ITPR2: variants seen among roughly 807,000 people sequenced by gnomAD.
The protein encoded by ITPR2 is inositol 1,4,5-trisphosphate receptor type 2.
Under a neutral mutation model 317.1 loss-of-function variants are expected in ITPR2, and 207 were observed. The ratio of observed to expected loss-of-function variants is 0.65; its 90% CI spans 0.58 to 0.73. ITPR2 has a LOEUF of 0.73. Among genes scored for constraint, ITPR2 ranks in the 30% least tolerant of loss-of-function variants. ITPR2 has a pLI of 0.00. For synonymous variants in ITPR2, 1,156 were observed against 1,149.1 expected (o/e 1.01, Z -0.12); for missense variants, 2,613 against 3,284.0 (o/e 0.80, Z 4.99).
intron 39 of ITPR2, among the ~76,000 whole-genome samples, chr12:26,490,946 G>T (rs1942786807): frequency 6.6e-6 from 1 of 152,194 alleles, no homozygotes; most frequent in Admixed American, 6.5e-5. Context: ...TAGGAGAAAT[G>T]TATTGAGTTG....
chr12:26,700,733 G>A (rs1039736012), intron 9 of ITPR2, among the ~76,000 whole-genome samples: 4 of 152,156 alleles, frequency 2.6e-5, no homozygotes, highest in African/African-American at 7.2e-5. Flanking sequence ...GGGGACAGAG[G>A]ATGAAAAAGG....
intron 26 of ITPR2, among the ~76,000 whole-genome samples, chr12:26,620,487 A>G (rs1946467397): frequency 6.6e-6 from 1 of 152,210 alleles, no homozygotes; most frequent in Non-Finnish European, 1.5e-5. Context: ...TGTATTAACA[A>G]TTATGATGTT....
chr12:26,678,982 T>C (rs778659582), intron 13 of ITPR2, among the ~76,000 whole-genome samples: 3 of 152,220 alleles, frequency 2.0e-5, no homozygotes, highest in Admixed American at 1.3e-4. Flanking sequence ...GCCAAGTAAA[T>C]TGCTGTGCAT....
At chr12:26,545,757 C>A (rs1218343873) in intron 37 of ITPR2, among the ~76,000 whole-genome samples, 1 of 152,184 alleles carries the variant, frequency 6.6e-6, no homozygotes, top group Non-Finnish European at 1.5e-5. Context: ...TCATCCAAGG[C>A]CATTTCACCC....
chr12:26,415,460 A>G lies in ITPR2; in HGVS notation c.7149T>C (p.Asn2383=), dbSNP rs1940692345. 2 of 1,610,064 alleles carry G rather than the reference A, an allele frequency of 1.2e-6. No homozygotes were observed. Among genetic ancestry groups the G allele is most frequent in the Admixed American group, 1.7e-5 (1 of 59,576 alleles). The change falls in exon 51 of 57, where the codon AAT becomes AAC. Residue 2383 remains asparagine, a synonymous_variant. Transcript: ENST00000381340. The part of the protein sequence containing the change: ...DLVYREETLL[N]VIKSVTRNGR... ...CATTTCGTGTGACACTTTTTATGAC[A>G]TTCAGCAAAGTCTCTTCCCTGTACA...
chr12:26,699,685 CA>C (rs1948410822), intron 9 of ITPR2, among the ~76,000 whole-genome samples: 1 of 151,964 alleles, frequency 6.6e-6, no homozygotes, highest in Non-Finnish European at 1.5e-5. Context: ...GAAAGAAGGA[CA>C]AAAAGCCACC....
chr12:26,512,968 C>T (rs887489178), intron 37 of ITPR2, among the ~76,000 whole-genome samples: 1 of 151,670 alleles, frequency 6.6e-6, no homozygotes, highest in Admixed American at 6.6e-5. Flanking sequence ...ATTACAGGTG[C>T]CCACCAACTC....
In ITPR2 at chr12:26,602,435, G is replaced by A. The variant is rs1266338100; in HGVS notation, c.3613C>T (p.Arg1205Ter). 26 of 1,613,660 alleles carry A rather than the reference G, an allele frequency of 1.6e-5. No homozygotes were observed. The highest frequency in any genetic ancestry group is 2.2e-5 in the Non-Finnish European group (26 of 1,179,686). The stretch of plus-strand genomic sequence containing the variant: ...TGCGCCCCCATATTTTTCAGTAATC[G>A]TTGATGTTGATTCCGACACTTTTTA... ...QNKKCRNQHQ[R>*]LLKNMGAHSV... The change falls in exon 28 of 57, where the codon CGA becomes TGA. Residue 1205 changes from arginine to a stop codon, truncating the protein, a stop_gained. Coordinates refer to ENST00000381340, the MANE Select transcript of ITPR2 (RefSeq NM_002223.4). LOFTEE classifies it high-confidence loss of function.
At chr12:26,544,166 C>G (rs924614649) in intron 37 of ITPR2, among the ~76,000 whole-genome samples, 4 of 152,212 alleles carry the variant, frequency 2.6e-5, no homozygotes, top group African/African-American at 9.6e-5. Context: ...TATAGGCACA[C>G]TTCACAGAAA....
intron 21 of ITPR2, among the ~76,000 whole-genome samples, chr12:26,639,694 C>T (rs1444216057): frequency 7.0e-6 from 1 of 143,306 alleles, no homozygotes; most frequent in African/African-American, 2.6e-5. Flanking sequence ...TTGTTCAATT[C>T]CCACCTATGA....
In ITPR2 at chr12:26,655,730, T is replaced by A; in HGVS notation, c.2567A>T (p.Glu856Val). ...TACCTCAAATGTCAGTTTATTTTTT[T>A]CTTTATCCCCAAAAGGAAAGGGCTG... ...VNQPFPFGDK[E>V]KNKLTFEVVH... The change falls in exon 20 of 57, where the codon GAA (glutamate) becomes GTA (valine). Residue 856 changes from glutamate to valine, a missense_variant. Around this residue, in one of 9 missense-constraint regions of ITPR2, gnomAD observed 817 missense variants for 897.6 expected, o/e 0.91. Coordinates refer to ENST00000381340, the MANE Select transcript of ITPR2 (RefSeq NM_002223.4). 6.2e-7 allele frequency: 1 copy of A among 1,613,576 alleles called. No homozygotes were observed. Among genetic ancestry groups the A allele is most frequent in the Non-Finnish European group, 8.5e-7 (1 of 1,179,650 alleles).
At chr12:26,685,973 A>G (rs1274306581) in intron 11 of ITPR2, among the ~76,000 whole-genome samples, 1 of 152,088 alleles carries the variant, frequency 6.6e-6, no homozygotes, top group Non-Finnish European at 1.5e-5. Flanking sequence ...TTAATATTTT[A>G]TGTCTATTGT....
At chr12:26,437,377 CTT>C (rs1027291078) in intron 47 of ITPR2, among the ~76,000 whole-genome samples, 1 of 152,222 alleles carries the variant, frequency 6.6e-6, no homozygotes, top group African/African-American at 2.4e-5. Context: ...TTTAGTACAT[CTT>C]GTTTTCCTTC....
chr12:26,617,857 T>A (rs1946407146), intron 26 of ITPR2, among the ~76,000 whole-genome samples: 1 of 152,068 alleles, frequency 6.6e-6, no homozygotes, highest in Non-Finnish European at 1.5e-5. Context: ...AACAGAGATG[T>A]AAAATTCTAC....
chr12:26,408,174 T>A (rs1019134723), intron 52 of ITPR2, among the ~76,000 whole-genome samples: 6 of 152,352 alleles, frequency 3.9e-5, no homozygotes, highest in Middle Eastern at 3.4e-3. Context: ...GCCAGAATCA[T>A]GTTTGTTTAT....
chr12:26,610,162 C>T (rs1196522367), intron 26 of ITPR2, among the ~76,000 whole-genome samples: 3 of 152,242 alleles, frequency 2.0e-5, no homozygotes, highest in African/African-American at 7.2e-5. Context: ...GTCTAGAACA[C>T]ATGGACTGCT....
chr12:26,652,836 C>T (rs1471154563), intron 21 of ITPR2, among the ~76,000 whole-genome samples: 1 of 152,232 alleles, frequency 6.6e-6, no homozygotes, highest in Non-Finnish European at 1.5e-5. Flanking sequence ...CACTTCCTTA[C>T]AGGTACATAT....
intron 45 of ITPR2, among the ~76,000 whole-genome samples, chr12:26,468,812 C>T (rs1185199306): frequency 6.6e-6 from 1 of 152,152 alleles, no homozygotes; most frequent in Non-Finnish European, 1.5e-5. Context: ...CCTACAGAGT[C>T]ATTACAGTTA....
intron 2 of ITPR2, among the ~76,000 whole-genome samples, chr12:26,782,041 GAGA>G (rs1565760177): frequency 2.4e-4 from 9 of 37,784 alleles, no homozygotes; most frequent in African/African-American, 1.1e-3. Context: ...TATGTATAGA[GAGA>G]GAGAGAGAGA....
Sources: allele counts gnomAD v4.1 joint callset (sites outside exome capture counted in the v4.1 genomes callset), GRCh38; gene constraint gnomAD v4.1.1; regional missense constraint gnomAD v4.1.1; transcripts MANE v1.5; gene names NCBI Gene and HGNC (gene_info 2026-07-23, HGNC 2026-07-21).